Variants in NR5A2 observed in about 807,000 individuals in gnomAD.
NR5A2 encodes the protein nuclear receptor subfamily 5 group A member 2.
NR5A2 carries 26 observed loss-of-function variants against 62.7 expected under a neutral mutation model. The observed-to-expected ratio is 0.41, with a 90% CI of 0.30 to 0.58. The LOEUF (loss-of-function observed/expected upper bound fraction) is 0.58, where lower values mean the gene tolerates loss of function less well. Among genes scored for constraint, NR5A2 ranks in the 20% least tolerant of loss-of-function variants. The probability of loss-of-function intolerance (pLI) is 0.22; values close to 1 mark genes in which losing one functional copy is unlikely to be tolerated. For missense variants in NR5A2, 541 were observed against 669.1 expected (o/e 0.81, Z 2.11); for synonymous variants, 246 against 241.7 (o/e 1.02, Z -0.16).
At chr1:200,148,049 G>A (rs563537867) in intron 7 of NR5A2, 23 of 303,028 alleles carry the variant, frequency 7.6e-5, no homozygotes, top group East Asian at 7.3e-4. Flanking sequence ...TGGAGCGCAC[G>A]GTCCCCATGC....
intron 5 of NR5A2, among the ~76,000 whole-genome samples, chr1:200,098,717 G>T (rs2821322): frequency 0.89 from 135,022 of 152,206 alleles, 60,112 homozygotes; most frequent in East Asian, 0.97. Flanking sequence ...AAGCACCTGC[G>T]GTGAGCCTAG....
chr1:200,128,161 G>T (rs770461389), intron 7 of NR5A2, among the ~76,000 whole-genome samples: 1 of 152,054 alleles, frequency 6.6e-6, no homozygotes, highest in Non-Finnish European at 1.5e-5. Context: ...CTCAAGTCCC[G>T]CAGTCGGCCC....
intron 5 of NR5A2, among the ~76,000 whole-genome samples, chr1:200,079,041 C>G (rs745913124): frequency 7.2e-5 from 11 of 152,120 alleles, no homozygotes; most frequent in Non-Finnish European, 1.5e-4. Context: ...ATCAAGAAAA[C>G]AGAAATTCTA....
intron 5 of NR5A2, among the ~76,000 whole-genome samples, chr1:200,050,223 C>T (rs1051468290): frequency 6.6e-6 from 1 of 152,150 alleles, no homozygotes; most frequent in Non-Finnish European, 1.5e-5. Flanking sequence ...AAACACTTTC[C>T]TGATATTCTT....
intron 7 of NR5A2, among the ~76,000 whole-genome samples, chr1:200,167,286 TC>T (rs1653945601): frequency 1.3e-5 from 2 of 152,170 alleles, no homozygotes; most frequent in Non-Finnish European, 2.9e-5. Context: ...CTGCTGCTCC[TC>T]TTGGTGACAG....
intron 7 of NR5A2, among the ~76,000 whole-genome samples, chr1:200,163,937 C>A (rs1653774493): frequency 6.6e-6 from 1 of 152,070 alleles, no homozygotes; most frequent in Non-Finnish European, 1.5e-5. Context: ...ATCCCCAATG[C>A]TGGAGGTGGG....
intron 5 of NR5A2, among the ~76,000 whole-genome samples, chr1:200,063,429 A>G (rs557465732): frequency 1.3e-5 from 2 of 152,292 alleles, no homozygotes; most frequent in African/African-American, 4.8e-5. Flanking sequence ...AAGTGCTGTA[A>G]TTACAGGTGT....
In NR5A2 at chr1:200,039,839, A is replaced by G. The variant is rs750180939; in HGVS notation, c.202+44A>G. 3 of 1,562,968 alleles carry G rather than the reference A, an allele frequency of 1.9e-6. No homozygotes were observed. Among genetic ancestry groups the G allele is most frequent in the Admixed American group, 3.8e-5 (2 of 52,872 alleles). Reference sequence around the variant, plus strand: ...GCGCTCCGGCTCCCGCTGCTTCCCCACCCCCGGGCTCGCCCTGCAGGCTTC... The same window carrying G: ...GCGCTCCGGCTCCCGCTGCTTCCCCGCCCCCGGGCTCGCCCTGCAGGCTTC... On this transcript the variant is annotated intron_variant, in intron 2 of 7. Transcript: ENST00000367362. The surrounding 1 kb of genome is among the most constrained non-coding windows in gnomAD (Gnocchi z 5.1).
intron 7 of NR5A2, among the ~76,000 whole-genome samples, chr1:200,146,759 G>C (rs757431985): frequency 6.6e-6 from 1 of 152,008 alleles, no homozygotes; most frequent in Non-Finnish European, 1.5e-5. Flanking sequence ...AATATTCTTA[G>C]TACTTTCAAA....
chr1:200,051,415 A>C (rs916993378), intron 5 of NR5A2, among the ~76,000 whole-genome samples: 1 of 152,220 alleles, frequency 6.6e-6, no homozygotes, highest in Non-Finnish European at 1.5e-5. Flanking sequence ...ATATAGCATG[A>C]GGTTAAATAT....
At chr1:200,145,416 G>A (rs781016677) in intron 7 of NR5A2, among the ~76,000 whole-genome samples, 1 of 151,626 alleles carries the variant, frequency 6.6e-6, no homozygotes, top group Non-Finnish European at 1.5e-5. Context: ...ACCAATTCCT[G>A]TGTGAAATAT....
At chr1:200,123,267 AAC>A (rs2102313811) in intron 7 of NR5A2, among the ~76,000 whole-genome samples, 1 of 152,294 alleles carries the variant, frequency 6.6e-6, no homozygotes, top group African/African-American at 2.4e-5. Context: ...TGAGAGATGA[AAC>A]AGTGTTTTCC....
intron 7 of NR5A2, among the ~76,000 whole-genome samples, chr1:200,164,867 GTTTTTTTTTTTTT>G (rs56818276): frequency 1.6e-5 from 1 of 63,896 alleles, no homozygotes; most frequent in African/African-American, 8.4e-5. Flanking sequence ...TTTTAGAGCA[GTTTTTTTTTTTTT>G]TTTTTTTTTT....
At chr1:200,052,225 T>A (rs1363851093) in intron 5 of NR5A2, among the ~76,000 whole-genome samples, 1 of 152,164 alleles carries the variant, frequency 6.6e-6, no homozygotes, top group Non-Finnish European at 1.5e-5. Flanking sequence ...AAAGGTCTCT[T>A]CCTCCTGGCG....
chr1:200,112,944 C>G (rs1226995353), intron 6 of NR5A2, among the ~76,000 whole-genome samples: 1 of 152,234 alleles, frequency 6.6e-6, no homozygotes. Context: ...CAAAGCACTT[C>G]CATTCCTGCT....
chr1:200,081,492 T>C (rs1250115390), intron 5 of NR5A2, among the ~76,000 whole-genome samples: 1 of 152,204 alleles, frequency 6.6e-6, no homozygotes, highest in Non-Finnish European at 1.5e-5. Flanking sequence ...TGCCCGCCTG[T>C]CTTCCACATC....
At chr1:200,161,565 C>T (rs1377789073) in intron 7 of NR5A2, among the ~76,000 whole-genome samples, 2 of 152,300 alleles carry the variant, frequency 1.3e-5, no homozygotes, top group South Asian at 2.1e-4. Context: ...CCTGAAAATA[C>T]TCAGATTACC....
intron 7 of NR5A2, among the ~76,000 whole-genome samples, chr1:200,171,828 A>C (rs1654195217): frequency 1.3e-5 from 2 of 152,240 alleles, no homozygotes. Context: ...GTAAGTGGAT[A>C]AACCAAAACT....
In NR5A2 at chr1:200,176,260, G is replaced by T. The variant is rs563558792; in HGVS notation, c.*2050G>T. On this transcript the variant is annotated 3_prime_UTR_variant, in exon 8 of 8. Coordinates refer to ENST00000367362, the MANE Select transcript of NR5A2 (RefSeq NM_205860.3). ...CAAGCATTGTAAATTGTATACCAAAGATATTAGTTATTACTTCTGTGTGTA... is the reference window on the plus strand; with the variant it reads ...CAAGCATTGTAAATTGTATACCAAATATATTAGTTATTACTTCTGTGTGTA... 1.3e-5 allele frequency: 2 copies of T among 152,564 alleles called. No homozygotes were observed. The highest frequency in any genetic ancestry group is 1.9e-4 in the East Asian group (1 of 5,196). The allele number at this position is 152,564 out of a possible 1,614,324, so 9.5% of individuals were successfully genotyped here. A position where few individuals can be genotyped will look rare whatever the true frequency, so the allele number is the denominator to read the frequency against.
Sources: allele counts gnomAD v4.1 joint callset (sites outside exome capture counted in the v4.1 genomes callset), GRCh38; gene constraint gnomAD v4.1.1; non-coding constraint Gnocchi (gnomAD v3.1); transcripts MANE v1.5; gene names NCBI Gene and HGNC (gene_info 2026-07-23, HGNC 2026-07-21).